The following EVC2 variants were observed in gnomAD, a reference collection of about 807,000 sequenced individuals.
The protein encoded by EVC2 is limbin.
EVC2 carries 148 observed loss-of-function variants against 149.3 expected under a neutral mutation model. The observed-to-expected ratio is 0.99, with a 90% CI of 0.87 to 1.14. The LOEUF is 1.14. EVC2 is among the 50% of genes most tolerant of loss of function. EVC2 has a pLI of 0.00. For synonymous variants in EVC2, 776 were observed against 649.9 expected, an observed-to-expected ratio of 1.19 and a Z score of -2.95; for missense variants, 1,854 against 1,627.3, an observed-to-expected ratio of 1.14 and a Z score of -2.40.
At chr4:5,646,653 C>A (rs1219780186) in intron 9 of EVC2, among the ~76,000 whole-genome samples, 1 of 152,140 alleles carries the variant, frequency 6.6e-6, no homozygotes, top group Non-Finnish European at 1.5e-5. Context: ...GTCATAGTAA[C>A]CTTCAATGGT....
At chr4:5,691,188 T>C in intron 4 of EVC2, 77 bp downstream of exon 4, 1 of 1,292,402 alleles carries the variant, frequency 7.7e-7, no homozygotes, top group Non-Finnish European at 1.1e-6. Flanking sequence ...AGTTCTTAAA[T>C]ACATGACTCT....
chr4:5,533,086 T>C, the EVC2 span, among the ~76,000 whole-genome samples: 2 of 150,816 alleles, frequency 1.3e-5, no homozygotes, highest in Non-Finnish European at 2.9e-5. Context: ...CATGGAGCCG[T>C]CATTGTGGTG....
At chr4:5,643,766 C>T (rs934261426) in intron 9 of EVC2, among the ~76,000 whole-genome samples, 2 of 152,118 alleles carry the variant, frequency 1.3e-5, no homozygotes, top group Non-Finnish European at 2.9e-5. Flanking sequence ...ACTAAAACTA[C>T]AAAAATTAGC....
chr4:5,584,569 G>C (rs993792919), intron 17 of EVC2, 54 bp downstream of exon 17: 53 of 1,544,670 alleles, frequency 3.4e-5, no homozygotes, highest in Non-Finnish European at 4.7e-5. Context: ...TGCAGAGGTA[G>C]GTACCAGAAA....
At chr4:5,678,623 C>T (rs982730745) in intron 7 of EVC2, among the ~76,000 whole-genome samples, 1 of 152,192 alleles carries the variant, frequency 6.6e-6, no homozygotes, top group Non-Finnish European at 1.5e-5. Flanking sequence ...ATCTAGCCTA[C>T]TACACACCTA....
chr4:5,540,425 C>A (rs1018617341), downstream of EVC2, among the ~76,000 whole-genome samples: 4 of 152,226 alleles, frequency 2.6e-5, no homozygotes, highest in African/African-American at 9.7e-5. Flanking sequence ...TAGACCGACC[C>A]AGATTTCCAT....
intron 9 of EVC2, among the ~76,000 whole-genome samples, chr4:5,660,949 T>C (rs1270645434): frequency 1.3e-5 from 2 of 152,280 alleles, no homozygotes; most frequent in East Asian, 3.9e-4. Context: ...CAAAAAGCAG[T>C]ACCAAATTAA....
At chr4:5,659,224 G>C (rs1254542959) in intron 9 of EVC2, among the ~76,000 whole-genome samples, 1 of 152,082 alleles carries the variant, frequency 6.6e-6, no homozygotes, top group East Asian at 1.9e-4. Flanking sequence ...CTTCATGTTA[G>C]AATTACAAAT....
At chr4:5,656,025 G>C (rs1388586296) in intron 9 of EVC2, among the ~76,000 whole-genome samples, 1 of 152,204 alleles carries the variant, frequency 6.6e-6, no homozygotes, top group Non-Finnish European at 1.5e-5. Context: ...AGGTAGGCAA[G>C]CTGCACTGTA....
chr4:5,642,634 A>G (rs770879929), intron 9 of EVC2, among the ~76,000 whole-genome samples: 1 of 152,202 alleles, frequency 6.6e-6, no homozygotes, highest in Non-Finnish European at 1.5e-5. Context: ...CTGCTGGGTC[A>G]GATGTCAGCG....
chr4:5,658,198 C>A (rs1287059047), intron 9 of EVC2, among the ~76,000 whole-genome samples: 1 of 152,166 alleles, frequency 6.6e-6, no homozygotes, highest in Non-Finnish European at 1.5e-5. Context: ...GTGCTTGATG[C>A]AGAAGGAGCC....
chr4:5,652,284 G>A (rs1464341482), intron 9 of EVC2, among the ~76,000 whole-genome samples: 2 of 152,218 alleles, frequency 1.3e-5, no homozygotes, highest in African/African-American at 4.8e-5. Flanking sequence ...GGTGAGGAGA[G>A]GCTGCGTCAG....
At chr4:5,588,279 G>T (rs957494545) in intron 16 of EVC2, among the ~76,000 whole-genome samples, 1 of 151,968 alleles carries the variant, frequency 6.6e-6, no homozygotes, top group Non-Finnish European at 1.5e-5. Flanking sequence ...TGCTTTGTAG[G>T]GTACATAATG....
At chr4:5,668,916 A>T (rs4688946) in intron 7 of EVC2, among the ~76,000 whole-genome samples, 96,940 of 152,012 alleles carry the variant, frequency 0.64, 31,179 homozygotes, top group Non-Finnish European at 0.68. Context: ...GCAGATGTAG[A>T]CAAGTTAAGA....
the EVC2 span, among the ~76,000 whole-genome samples, chr4:5,535,516 C>T: frequency 6.6e-6 from 1 of 151,222 alleles, no homozygotes; most frequent in South Asian, 2.1e-4. This position sits in a 1 kb window ranked among gnomAD's most constrained non-coding sequence, Gnocchi z 4.7. Flanking sequence ...GTGGCTGAAA[C>T]AACAGACGGT....
chr4:5,635,641 T>C (rs1028012718), intron 10 of EVC2, among the ~76,000 whole-genome samples: 1 of 152,146 alleles, frequency 6.6e-6, no homozygotes, highest in African/African-American at 2.4e-5. Flanking sequence ...GCTGTCATAC[T>C]CCCCATACTC....
At chr4:5,626,018 A>C in intron 12 of EVC2, 110 bp from the exon 13 acceptor site, 1 of 1,335,698 alleles carries the variant, frequency 7.5e-7, no homozygotes. Flanking sequence ...TGAATCAGAA[A>C]ATCTTTACCC....
Position 5,668,788 on chromosome 4 carries a change from C to T in EVC2, c.871-3139G>A, listed in dbSNP as rs61167360. Among the ~76,000 whole-genome samples, 55 of 152,312 alleles carry T rather than the reference C, an allele frequency of 3.6e-4. No homozygotes were observed. The East Asian group carries it at 8.9e-3, about 25-fold the overall frequency. ...TTAACAATTTTGATCACCAACAAAA[C>T]GCCAATCTCTGGGCTAGGTAAATGT... is the stretch of plus-strand genomic sequence containing the variant. On this transcript the variant is annotated intron_variant, in intron 7 of 21. Transcript: ENST00000344408.
Position 5,576,741 on chromosome 4 carries a change from T to C in EVC2, c.3058-287A>G, listed in dbSNP as rs891322230. Among the ~76,000 whole-genome samples the C allele has an allele frequency of 3.3e-5, 5 of 152,168 alleles. No individual in the cohort carries two copies. Among genetic ancestry groups the C allele is most frequent in the African/African-American group, 9.6e-5 (4 of 41,458 alleles). On this transcript the variant is annotated intron_variant, in intron 17 of 21. Coordinates refer to ENST00000344408, the MANE Select transcript of EVC2 (RefSeq NM_147127.5). This position sits in a 1 kb window ranked among gnomAD's most constrained non-coding sequence, Gnocchi z 4.5. ...CCCCTCCGCTTAAGAAGAAACTCCT[T>C]GGTGAAGGGCTCCTCAGCGAAAGGA...
Sources: allele counts gnomAD v4.1 joint callset (sites outside exome capture counted in the v4.1 genomes callset), GRCh38; gene constraint gnomAD v4.1.1; non-coding constraint Gnocchi (gnomAD v3.1); transcripts MANE v1.5; gene names NCBI Gene and HGNC (gene_info 2026-07-23, HGNC 2026-07-21).